The following GAB2 variants were observed in gnomAD, a reference collection of about 807,000 sequenced individuals.
GAB2 encodes GRB2-associated-binding protein 2.
Under a neutral mutation model 65.5 loss-of-function variants are expected in GAB2, and 26 were observed. That is an observed-to-expected ratio of 0.40 (90% CI 0.29 to 0.55). The LOEUF (loss-of-function observed/expected upper bound fraction) is 0.55. Among genes scored for constraint, GAB2 ranks in the 20% least tolerant of loss-of-function variants. GAB2 has a pLI of 0.53. For missense variants in GAB2, 884 were observed against 875.8 expected, an observed-to-expected ratio of 1.01 and a Z score of -0.12; for synonymous variants, 321 against 329.6, an observed-to-expected ratio of 0.97 and a Z score of 0.28.
At position 78,395,572 on chromosome 11, in the gene GAB2, A is replaced by C. The variant is rs56060545; in HGVS notation, c.75+22074T>G. ...ATATACTGAACTTTTCAAATGGTCA[A>C]CTTTCAGTAACCCAGTGTGACCAGG... On this transcript the variant is annotated intron_variant, in intron 1 of 9. Transcript: ENST00000361507. Among the ~76,000 whole-genome samples the C allele has an allele frequency of 5.2e-3, 794 of 152,374 alleles. 4 individuals are homozygous for C. The highest frequency in any genetic ancestry group is 0.018 in the African/African-American group (742 of 41,590).
intron 1 of GAB2, 120 bp from the exon 2 acceptor site, chr11:78,281,021 A>G (rs1866320225): frequency 1.3e-6 from 1 of 751,880 alleles, no homozygotes; most frequent in Non-Finnish European, 2.2e-6. Context: ...TGGCACAATC[A>G]AAGCTCACTG....
chr11:78,309,464 CTTTTT>C (rs5792803), intron 1 of GAB2, among the ~76,000 whole-genome samples: 1 of 137,442 alleles, frequency 7.3e-6, no homozygotes, highest in Non-Finnish European at 1.6e-5. Context: ...TGCCCCCTGC[CTTTTT>C]TTTTTTTTTT....
chr11:78,231,452 C>T (rs540446776), intron 3 of GAB2, among the ~76,000 whole-genome samples: 6 of 152,044 alleles, frequency 3.9e-5, no homozygotes, highest in Admixed American at 2.0e-4. Context: ...GGGTTCAAAG[C>T]GATTCTCCTG....
intron 1 of GAB2, among the ~76,000 whole-genome samples, chr11:78,300,516 T>TCAAAAAAC (rs1554985509): frequency 7.0e-6 from 1 of 142,792 alleles, no homozygotes; most frequent in Non-Finnish European, 1.5e-5. Flanking sequence ...TTTAATTTTA[T>TCAAAAAAC]AAAAAAACAA....
At chr11:78,302,575 G>A (rs1280991205) in intron 1 of GAB2, among the ~76,000 whole-genome samples, 3 of 151,888 alleles carry the variant, frequency 2.0e-5, no homozygotes, top group South Asian at 4.1e-4. Flanking sequence ...CCACACAGCT[G>A]GTGGGAATGT....
intron 1 of GAB2, among the ~76,000 whole-genome samples, chr11:78,334,959 C>A (rs1855974380): frequency 6.6e-6 from 1 of 152,156 alleles, no homozygotes; most frequent in South Asian, 2.1e-4. Context: ...GTGACATATC[C>A]CATTGTAGTT....
chr11:78,263,106 C>T (rs1216453767), intron 2 of GAB2, among the ~76,000 whole-genome samples: 1 of 152,198 alleles, frequency 6.6e-6, no homozygotes, highest in East Asian at 1.9e-4. Context: ...ACATGTCCTC[C>T]TTCAAAATAT....
intron 1 of GAB2, among the ~76,000 whole-genome samples, chr11:78,363,248 C>T (rs1263292876): frequency 1.3e-5 from 2 of 152,220 alleles, no homozygotes; most frequent in Non-Finnish European, 2.9e-5. Flanking sequence ...TAAGCAACCA[C>T]ATAGCTAGAG....
Position 78,323,815 on chromosome 11 carries a change from T to G in GAB2, c.76-42914A>C, listed in dbSNP as rs867127488. 1.7e-3 allele frequency among the ~76,000 whole-genome samples: 232 copies of G among 137,146 alleles called. 1 individual carries two copies. The highest frequency in any genetic ancestry group is 6.7e-3 in the African/African-American group (216 of 32,458). 90.0% of individuals were successfully genotyped at this position (137,146 alleles called of 152,430 possible). Reference sequence around the variant, plus strand: ...CTTTTTTTTTTTTTTTTTTTTTTTTTGAGACAAAGCCTGGCTCTGTTGCCC... The same window carrying G: ...CTTTTTTTTTTTTTTTTTTTTTTTTGGAGACAAAGCCTGGCTCTGTTGCCC... On this transcript the variant is annotated intron_variant, in intron 1 of 9. Coordinates refer to ENST00000361507, the MANE Select transcript of GAB2 (RefSeq NM_080491.3).
intron 4 of GAB2, among the ~76,000 whole-genome samples, chr11:78,225,972 T>C (rs552630529): frequency 1.3e-5 from 2 of 152,212 alleles, no homozygotes; most frequent in African/African-American, 2.4e-5. Context: ...CAAGTAACAA[T>C]AGAATTTAGG....
chr11:78,385,409 G>A (rs1473197224), intron 1 of GAB2, among the ~76,000 whole-genome samples: 1 of 152,164 alleles, frequency 6.6e-6, no homozygotes, highest in Non-Finnish European at 1.5e-5. Context: ...GTGACAGGAG[G>A]TTTAGATGGA....
intron 3 of GAB2, among the ~76,000 whole-genome samples, chr11:78,239,532 C>A (rs1228288076): frequency 6.6e-6 from 1 of 152,134 alleles, no homozygotes; most frequent in South Asian, 2.1e-4. Flanking sequence ...TGAACAATTA[C>A]ATTTTAGCAA....
chr11:78,370,712 C>CGTGTGTGTATGTGTGTGT (rs1554995527), intron 1 of GAB2, among the ~76,000 whole-genome samples: 1 of 123,220 alleles, frequency 8.1e-6, no homozygotes, highest in African/African-American at 2.9e-5. Context: ...TGTGTGTGTG[C>CGTGTGTGTATGTGTGTGT]GTGTGTGTGT....
intron 1 of GAB2, among the ~76,000 whole-genome samples, chr11:78,371,221 T>C (rs977931202): frequency 6.6e-6 from 1 of 152,242 alleles, no homozygotes; most frequent in Non-Finnish European, 1.5e-5. Context: ...TTAACTATCA[T>C]GTATTTAAAA....
At chr11:78,317,989 T>G (rs1001439084) in intron 1 of GAB2, among the ~76,000 whole-genome samples, 1 of 152,308 alleles carries the variant, frequency 6.6e-6, no homozygotes, top group Non-Finnish European at 1.5e-5. Flanking sequence ...GGAGCATTTA[T>G]TATGTGTCAA....
chr11:78,270,989 G>T (rs1014750597), intron 2 of GAB2, among the ~76,000 whole-genome samples: 7 of 152,254 alleles, frequency 4.6e-5, no homozygotes, highest in Admixed American at 1.3e-4. Flanking sequence ...CCCTGTGATA[G>T]TGGCTGTGCA....
intron 6 of GAB2, among the ~76,000 whole-genome samples, chr11:78,222,576 A>G (rs1047537341): frequency 1.3e-5 from 2 of 149,388 alleles, no homozygotes; most frequent in African/African-American, 4.9e-5. Flanking sequence ...CTATTTATAT[A>G]TTAACACACA....
At chr11:78,272,223 G>T (rs1866033788) in intron 2 of GAB2, among the ~76,000 whole-genome samples, 1 of 152,226 alleles carries the variant, frequency 6.6e-6, no homozygotes, top group African/African-American at 2.4e-5. Context: ...TGAAAATATG[G>T]AAGTGACAGG....
At position 78,250,170 on chromosome 11, in the gene GAB2, C is replaced by T; in HGVS notation, c.607G>A (p.Ala203Thr). 1.2e-6 allele frequency: 2 copies of T among 1,612,968 alleles called. No individual in the cohort carries two copies. The highest frequency in any genetic ancestry group is 2.2e-5 in the South Asian group (2 of 90,878). The part of the protein sequence containing the change: ...LYLHQCISRR[A>T]ENARSASFSQ... ...GCAGCCTCCTACCTTGCATTTTCTG[C>T]TCTTCGGCTTATGCACTGGTGCAAG... Residue 203 changes from alanine (A) to threonine (T), a missense_variant, in exon 3 of 10, where the codon GCA (alanine) becomes ACA (threonine). Transcript: ENST00000361507.
Sources: allele counts gnomAD v4.1 joint callset (sites outside exome capture counted in the v4.1 genomes callset), GRCh38; gene constraint gnomAD v4.1.1; transcripts MANE v1.5; gene names NCBI Gene and HGNC (gene_info 2026-07-23, HGNC 2026-07-21).